DCC: variants seen among roughly 807,000 people sequenced by gnomAD.
DCC encodes DCC netrin 1 receptor.
A neutral mutation model predicts 172.5 loss-of-function variants in DCC; 58 were observed. That is an observed-to-expected ratio of 0.34 (90% CI 0.27 to 0.42). The LOEUF is 0.42. DCC is among the 10% of genes least tolerant of loss of function. The probability of loss-of-function intolerance (pLI) is 1.00; values close to 1 mark genes in which losing one functional copy is unlikely to be tolerated. For synonymous variants in DCC, 709 were observed against 644.5 expected (o/e 1.10, Z -1.52); for missense variants, 1,740 against 1,791.0 (o/e 0.97, Z 0.51).
intron 26 of DCC, among the ~76,000 whole-genome samples, chr18:53,495,118 G>GT (rs2046004006): frequency 1.3e-5 from 2 of 152,050 alleles, no homozygotes; most frequent in Non-Finnish European, 2.9e-5. Context: ...GAGGCCAGGC[G>GT]TGGTGACTCA....
rs1330343654 is a variant in DCC, at chr18:53,499,165, G to C, written c.3899-133G>C. 5.9e-6 allele frequency: 5 copies of C among 845,354 alleles called. No individual in the cohort carries two copies. The Admixed American group carries it at 9.9e-5, about 17-fold the overall frequency. The allele number at this position is 845,354 out of a possible 1,614,324, so 52.4% of individuals were successfully genotyped here. A position where few individuals can be genotyped will look rare whatever the true frequency, so the allele number is the denominator to read the frequency against. On this transcript the variant is annotated intron_variant, in intron 26 of 28. Coordinates refer to ENST00000442544, the MANE Select transcript of DCC (RefSeq NM_005215.4). ...TATATGAAGGTAGACGAATGACAAT[G>C]TTCATAACTTGGAGAAGAGACTGAC...
chr18:52,872,118 G>A (rs1275705573), intron 2 of DCC, among the ~76,000 whole-genome samples: 1 of 152,138 alleles, frequency 6.6e-6, no homozygotes, highest in Non-Finnish European at 1.5e-5. Context: ...TTCATTTACA[G>A]GAACATGGGA....
chr18:52,387,912 T>C (rs972924542), intron 1 of DCC, among the ~76,000 whole-genome samples: 3 of 152,004 alleles, frequency 2.0e-5, no homozygotes, highest in African/African-American at 7.3e-5. Context: ...AAAAAGTAAA[T>C]GTTTTCCTTT....
At chr18:52,829,855 C>G (rs1436432981) in intron 2 of DCC, among the ~76,000 whole-genome samples, 1 of 152,070 alleles carries the variant, frequency 6.6e-6, no homozygotes, top group African/African-American at 2.4e-5. Flanking sequence ...AATTCTATTA[C>G]ATTAAAACTA....
chr18:53,015,512 A>T (rs1403957117), intron 5 of DCC, among the ~76,000 whole-genome samples: 1 of 152,136 alleles, frequency 6.6e-6, no homozygotes, highest in Non-Finnish European at 1.5e-5. Flanking sequence ...TATGTGAGTG[A>T]CAGTAATATT....
intron 5 of DCC, among the ~76,000 whole-genome samples, chr18:52,933,211 G>C (rs957461788): frequency 6.6e-6 from 1 of 152,090 alleles, no homozygotes; most frequent in Admixed American, 6.6e-5. Context: ...GCAACCAACT[G>C]TTGAGTGCCT....
intron 1 of DCC, among the ~76,000 whole-genome samples, chr18:52,404,831 G>A (rs1392109209): frequency 8.6e-6 from 1 of 115,768 alleles, no homozygotes; most frequent in Non-Finnish European, 1.7e-5. Context: ...CCCGACAACA[G>A]TCCCCAGAGT....
chr18:53,052,487 G>A (rs1599072769), intron 5 of DCC, among the ~76,000 whole-genome samples: 2 of 151,864 alleles, frequency 1.3e-5, no homozygotes, highest in South Asian at 4.2e-4. Flanking sequence ...GATCATGTGG[G>A]AGTGGCACTG....
rs1370553133 is a variant in DCC, at chr18:53,534,960, G to T, written c.*4307G>T. 6.6e-6 allele frequency: 1 copy of T among 152,158 alleles called. No individual in the cohort carries two copies. The highest frequency in any genetic ancestry group is 1.5e-5 in the Non-Finnish European group (1 of 68,036). The allele number at this position is 152,158 out of a possible 1,614,324, so 9.4% of individuals were successfully genotyped here. ...CATTGTCATCCTATGATTGTTGTTG[G>T]TAGAAGAGCAAGAGCAAAACTCTGC... On this transcript the variant is annotated 3_prime_UTR_variant, in exon 29 of 29. Transcript: ENST00000442544.
chr18:52,729,284 G>C (rs961232404), intron 1 of DCC, among the ~76,000 whole-genome samples: 2 of 152,056 alleles, frequency 1.3e-5, no homozygotes, highest in Non-Finnish European at 2.9e-5. Context: ...TTGAGACAGA[G>C]AGTCTTGCTC....
chr18:52,651,135 G>A (rs1359431768), intron 1 of DCC, among the ~76,000 whole-genome samples: 3 of 152,066 alleles, frequency 2.0e-5, no homozygotes, highest in Admixed American at 2.0e-4. Context: ...GTATTTATTA[G>A]AAAGCTGTGC....
At chr18:53,162,238 G>T (rs966036743) in intron 8 of DCC, among the ~76,000 whole-genome samples, 11 of 151,090 alleles carry the variant, frequency 7.3e-5, no homozygotes, top group African/African-American at 2.2e-4. Context: ...GGTGGAGATG[G>T]CAGTGAGCCG....
chr18:53,421,379 C>G (rs1393690411), intron 21 of DCC, among the ~76,000 whole-genome samples: 1 of 152,120 alleles, frequency 6.6e-6, no homozygotes, highest in Non-Finnish European at 1.5e-5. Flanking sequence ...AGATGAATTA[C>G]AAAGAAAATG....
intron 5 of DCC, among the ~76,000 whole-genome samples, chr18:52,948,410 G>T (rs897975268): frequency 3.9e-5 from 6 of 151,974 alleles, no homozygotes; most frequent in African/African-American, 1.5e-4. Flanking sequence ...CAATGATATT[G>T]AATAATGATC....
chr18:52,802,805 C>T (rs959602132), intron 2 of DCC, among the ~76,000 whole-genome samples: 1 of 151,052 alleles, frequency 6.6e-6, no homozygotes, highest in African/African-American at 2.4e-5. Context: ...TGTAGCCCAG[C>T]CCTGAAAATC....
chr18:53,021,206 GA>G (rs1375645048), intron 5 of DCC, among the ~76,000 whole-genome samples: 6 of 152,204 alleles, frequency 3.9e-5, no homozygotes, highest in Non-Finnish European at 7.3e-5. Context: ...GGCGAAGAGA[GA>G]ATACCTGGCC....
chr18:53,452,340 G>A (rs1186468766), intron 23 of DCC, among the ~76,000 whole-genome samples: 1 of 152,192 alleles, frequency 6.6e-6, no homozygotes, highest in Non-Finnish European at 1.5e-5. Context: ...CTAGCCAAAT[G>A]TAACTAAGCT....
At chr18:52,608,602 G>A (rs189961358) in intron 1 of DCC, among the ~76,000 whole-genome samples, 14 of 152,234 alleles carry the variant, frequency 9.2e-5, no homozygotes, top group Admixed American at 8.5e-4. Context: ...ATTACTTGTG[G>A]GTACATAAGA....
At chr18:52,969,387 C>G (rs1026532182) in intron 5 of DCC, among the ~76,000 whole-genome samples, 23 of 152,116 alleles carry the variant, frequency 1.5e-4, no homozygotes, top group African/African-American at 5.6e-4. Context: ...ACCAAATTAC[C>G]GAAGTAGAAA....
Sources: gnomAD v4.1 joint callset for allele counts (sites outside exome capture counted in the v4.1 genomes callset) on GRCh38, gnomAD v4.1.1 for gene constraint, MANE v1.5 for transcripts, NCBI Gene and HGNC (gene_info 2026-07-23, HGNC 2026-07-21) for gene names.